The following LSS variants were observed in gnomAD, a reference collection of about 807,000 sequenced individuals.
LSS encodes 2,3-epoxysqualene-lanosterol cyclase.
In LSS, 90 loss-of-function variants were observed where a neutral mutation model predicts 110.3. The ratio of observed to expected loss-of-function variants is 0.82; its 90% confidence interval spans 0.69 to 0.97. The LOEUF (loss-of-function observed/expected upper bound fraction) is 0.97. Among genes scored for constraint, LSS ranks in the 50% least tolerant of loss-of-function variants. The probability of loss-of-function intolerance (pLI) is 0.00; values close to 1 mark genes in which losing one functional copy is unlikely to be tolerated. For missense variants in LSS, 927 were observed against 990.0 expected, an observed-to-expected ratio of 0.94 and a Z score of 0.85; for synonymous variants, 433 against 400.0, an observed-to-expected ratio of 1.08 and a Z score of -0.98.
chr21:46,212,960 GAAA>G (rs1165527466), intron 11 of LSS, 62 bp downstream of exon 11: 1 of 1,600,458 alleles, frequency 6.2e-7, no homozygotes, highest in Non-Finnish European at 8.6e-7. Flanking sequence ...AACCCCAAAG[GAAA>G]AATAATAAAG....
Position 46,194,528 on chromosome 21 carries a change from T to A in LSS, c.1951A>T (p.Asn651Tyr). ...YLQSAQSQIH[N>Y]TCWAMMGLMA... is the part of the protein sequence containing the mutation. ...AGCCCCATCATGGCCCAGCATGTGT[T>A]ATGGATCTGGGACTGGGCACTCTGC... Residue 651 changes from asparagine to tyrosine, a missense_variant, in exon 20 of 22, where the codon AAC becomes TAC. Transcript: ENST00000397728. 1 of 1,613,878 alleles carries A rather than the reference T, an allele frequency of 6.2e-7. No homozygotes were observed. Among genetic ancestry groups the A allele is most frequent in the Non-Finnish European group, 8.5e-7 (1 of 1,180,014 alleles).
At position 46,191,233 on chromosome 21, in the gene LSS, T is replaced by C; in HGVS notation, c.2070A>G (p.Glu690=). ...KQLPNGDWPQ[E]NIAGVFNKSC... The stretch of plus-strand genomic sequence containing the variant: ...ACTTGTTGAAGACCCCAGCAATGTT[T>C]TCCTAAAAGAACACAGAGAAATAAA... Residue 690 remains glutamate, a splice_region_variant and synonymous_variant, in exon 22 of 22, where the codon GAA becomes GAG. Coordinates refer to ENST00000397728, the MANE Select transcript of LSS (RefSeq NM_002340.6). The C allele has an allele frequency of 1.2e-6, 2 of 1,613,984 alleles. No homozygotes were observed. The highest frequency in any genetic ancestry group is 1.7e-6 in the Non-Finnish European group (2 of 1,179,970).
intron 6 of LSS, among the ~76,000 whole-genome samples, chr21:46,217,101 G>A (rs926137611): frequency 1.3e-5 from 2 of 151,968 alleles, no homozygotes; most frequent in Non-Finnish European, 2.9e-5. Context: ...ACAAAAATAA[G>A]CCAGGCATGG....
In LSS at chr21:46,191,003, G is replaced by A; in HGVS notation, c.*101C>T. ...ACATCTATGAGATAGAGGTTGAGGG[G>A]TTGGAGCCCAAGACAGGGTTATGGG... On this transcript the variant is annotated 3_prime_UTR_variant, in exon 22 of 22. Coordinates refer to ENST00000397728, the MANE Select transcript of LSS (RefSeq NM_002340.6). 1.4e-6 allele frequency: 2 copies of A among 1,410,520 alleles called. No individual in the cohort carries two copies. Among genetic ancestry groups the A allele is most frequent in the Non-Finnish European group, 2.0e-6 (2 of 1,024,216 alleles). The allele number at this position is 1,410,520 out of a possible 1,614,324, so 87.4% of individuals were successfully genotyped here.
chr21:46,221,152 G>A (rs2080275038), intron 5 of LSS, among the ~76,000 whole-genome samples: 1 of 149,078 alleles, frequency 6.7e-6, no homozygotes. Context: ...GACAGCCCCG[G>A]GCTTGGAGAG....
At position 46,209,768 on chromosome 21, in the gene LSS, G is replaced by C. The variant is rs2123728894; in HGVS notation, c.1195-143C>G. ...GCAGACATCTCCAGAGAGTGCCAGG[G>C]TCTCCTGCTGCACTTACCTTTAAAG... is the stretch of plus-strand genomic sequence containing the variant. On this transcript the variant is annotated intron_variant, in intron 12 of 21. Coordinates refer to ENST00000397728, the MANE Select transcript of LSS (RefSeq NM_002340.6). This position sits in a 1 kb window ranked among gnomAD's most constrained non-coding sequence, Gnocchi z 4.4. 1.5e-6 allele frequency: 1 copy of C among 656,728 alleles called. No individual in the cohort carries two copies. Among genetic ancestry groups the C allele is most frequent in the African/African-American group, 1.8e-5 (1 of 55,160 alleles). 40.7% of individuals were successfully genotyped at this position (656,728 alleles called of 1,614,324 possible).
At chr21:46,203,095 A>G (rs1001550155) in intron 17 of LSS, among the ~76,000 whole-genome samples, 2 of 152,212 alleles carry the variant, frequency 1.3e-5, no homozygotes, top group South Asian at 2.1e-4. Flanking sequence ...GAGAGAGATG[A>G]GCAGAGAAGA....
In LSS at chr21:46,227,632, C is replaced by G. The variant is rs371394924; in HGVS notation, c.239G>C (p.Gly80Ala). 1 of 1,613,770 alleles carries G rather than the reference C, an allele frequency of 6.2e-7. No individual in the cohort carries two copies. Among genetic ancestry groups the G allele is most frequent in the Non-Finnish European group, 8.5e-7 (1 of 1,180,024 alleles). ...CTGCAGCCCCACGTAAAATGTCATC[C>G]CGTTCAGAGCCCCCTCAAAGGCGGT... ...AHTAFEGALNGMTFYVGLQAE... is the reference protein window; with the variant it reads ...AHTAFEGALNAMTFYVGLQAE... Residue 80 changes from glycine (G) to alanine (A), a missense_variant, in exon 3 of 22, where the codon GGG (glycine) becomes GCG (alanine). Physicochemically the swap from Gly to Ala is moderately conservative, Grantham distance 60. Coordinates refer to ENST00000397728, the MANE Select transcript of LSS (RefSeq NM_002340.6).
chr21:46,206,019 C>T (rs906533484), intron 16 of LSS, 78 bp from the exon 17 acceptor site: 7 of 1,138,484 alleles, frequency 6.1e-6, no homozygotes, highest in African/African-American at 4.6e-5. Context: ...AAAGCCACAA[C>T]AAGCAAGAGT....
At chr21:46,192,897 G>A (rs1204967801) in intron 20 of LSS, 1 of 440,666 alleles carries the variant, frequency 2.3e-6, no homozygotes, top group East Asian at 7.2e-5. Context: ...CTGTGCATGT[G>A]TACATGTGTG....
intron 20 of LSS, chr21:46,193,827 G>A (rs1305303842): frequency 2.6e-6 from 1 of 383,494 alleles, no homozygotes; most frequent in Admixed American, 2.8e-5. Flanking sequence ...GTACGTGTGT[G>A]TACACAGGTG....
In LSS at chr21:46,227,543, T is replaced by C; in HGVS notation, c.319+9A>G. 2 of 1,613,916 alleles carry C rather than the reference T, an allele frequency of 1.2e-6. No individual in the cohort carries two copies. The highest frequency in any genetic ancestry group is 1.1e-5 in the South Asian group (1 of 91,072). ...GCCATACCATCAGGCTGGGGCAGCA[T>C]ACTCCTACCTGGCAGGAGGAAAAGT... On this transcript the variant is annotated intron_variant, in intron 3 of 21. Coordinates refer to ENST00000397728, the MANE Select transcript of LSS (RefSeq NM_002340.6).
chr21:46,210,341 C>G (rs760945390), intron 12 of LSS, among the ~76,000 whole-genome samples: 3 of 152,080 alleles, frequency 2.0e-5, no homozygotes, highest in Non-Finnish European at 4.4e-5. Flanking sequence ...GCTGGGATTA[C>G]AGGTGTGAGC....
chr21:46,206,971 G>A (rs530534746), intron 15 of LSS, among the ~76,000 whole-genome samples: 2 of 152,272 alleles, frequency 1.3e-5, no homozygotes, highest in East Asian at 3.9e-4. Flanking sequence ...GGGCCTCCAT[G>A]CACAGCCACC....
intron 4 of LSS, chr21:46,222,263 G>T (rs2123759255): frequency 1.9e-6 from 1 of 532,560 alleles, no homozygotes; most frequent in East Asian, 3.2e-5. Flanking sequence ...TTTGGGCTAT[G>T]GCTCTGCTCC....
rs1200016826 is a variant in LSS, at chr21:46,207,490, C to T, written c.1405G>A (p.Glu469Lys). The change falls in exon 15 of 22, where the codon GAG (glutamate) becomes AAG (lysine). Residue 469 changes from glutamate to lysine, a missense_variant. Transcript: ENST00000397728. ...EALKAVLLLQ[E>K]KCPHVTEHIP... ...TGCTCGGTGACATGGGGACACTTCT[C>T]CTGCAGGAGCAGCACAGCCTTCAAG... The T allele has an allele frequency of 6.2e-7, 1 of 1,612,440 alleles. No homozygotes were observed. Among genetic ancestry groups the T allele is most frequent in the Non-Finnish European group, 8.5e-7 (1 of 1,179,536 alleles).
Position 46,190,641 on chromosome 21 carries a change from C to T in LSS, c.*463G>A, listed in dbSNP as rs2079797237. ...CCTGCCATTGTCACAGGGTTGCCCT[C>T]GTGTCCCTCAGCCCAGCAGACAAAA... On this transcript the variant is annotated 3_prime_UTR_variant, in exon 22 of 22. Transcript: ENST00000397728. This position sits in a 1 kb window ranked among gnomAD's most constrained non-coding sequence, Gnocchi z 4.6. The T allele has an allele frequency of 5.8e-6, 1 of 171,358 alleles. No individual in the cohort carries two copies. 10.6% of individuals were successfully genotyped at this position (171,358 alleles called of 1,614,324 possible).
chr21:46,205,969 T>C, intron 16 of LSS, 28 bp from the exon 17 acceptor site: 2 of 1,542,358 alleles, frequency 1.3e-6, no homozygotes, highest in South Asian at 2.3e-5. Context: ...GAACCAAGTG[T>C]TGGGTTTCAC....
At chr21:46,204,616 C>T (rs1326881253) in intron 17 of LSS, among the ~76,000 whole-genome samples, 1 of 149,352 alleles carries the variant, frequency 6.7e-6, no homozygotes, top group African/African-American at 2.4e-5. Flanking sequence ...GAGCTAGAAC[C>T]CATCTCAAAA....
Sources: allele counts gnomAD v4.1 joint callset (sites outside exome capture counted in the v4.1 genomes callset), GRCh38; gene constraint gnomAD v4.1.1; non-coding constraint Gnocchi (gnomAD v3.1); transcripts MANE v1.5; gene names NCBI Gene and HGNC (gene_info 2026-07-23, HGNC 2026-07-21).